Variants in UGT1A1 observed in about 807,000 individuals in gnomAD.
The protein encoded by UGT1A1 is UDP-glucuronosyltransferase 1A1.
UGT1A1 carries 33 observed loss-of-function variants against 40.6 expected under a neutral mutation model. That is an observed-to-expected ratio of 0.81 (90% CI 0.62 to 1.09). The LOEUF (loss-of-function observed/expected upper bound fraction) is 1.09, where lower values mean the gene tolerates loss of function less well. UGT1A1 is among the 50% of genes least tolerant of loss of function. The pLI is 0.00. For missense variants in UGT1A1, 694 were observed against 671.2 expected (o/e 1.03, Z -0.38); for synonymous variants, 249 against 265.0 (o/e 0.94, Z 0.59).
Position 233,769,575 on chromosome 2 carries a change from G to A in UGT1A1, c.1304+1136G>A. On this transcript the variant is annotated intron_variant, in intron 4 of 4. Coordinates refer to ENST00000305208, the MANE Select transcript of UGT1A1 (RefSeq NM_000463.3). The surrounding 1 kb of genome is among the most constrained non-coding windows in gnomAD (Gnocchi z 4.4). ...AGACAGATGTGAAGAGCTGGAGCAT[G>A]TTCAGATGAGAGGAGACGGAACACG... The A allele has an allele frequency of 6.2e-7, 1 of 1,612,906 alleles. No homozygotes were observed. Among genetic ancestry groups the A allele is most frequent in the Middle Eastern group, 1.7e-4 (1 of 6,060 alleles).
In UGT1A1 at chr2:233,767,901, T is replaced by C; in HGVS notation, c.1049T>C (p.Ile350Thr). The C allele has an allele frequency of 6.2e-6, 10 of 1,614,218 alleles. No individual in the cohort carries two copies. Among genetic ancestry groups the C allele is most frequent in the Non-Finnish European group, 2.5e-6 (3 of 1,180,042 alleles). Residue 350 changes from isoleucine (I) to threonine (T), a missense_variant, in exon 3 of 5, where the codon ATA becomes ACA. Transcript: ENST00000305208. ...TRPSNLANNT[I>T]LVKWLPQNDL... is the part of the protein sequence containing the mutation. ...CCATCGAATCTTGCGAACAACACGATACTTGTTAAGTGGCTACCCCAAAAC... is the reference window on the plus strand; with the variant it reads ...CCATCGAATCTTGCGAACAACACGACACTTGTTAAGTGGCTACCCCAAAAC...
Position 233,769,813 on chromosome 2 carries a change from C to A in UGT1A1, c.1304+1374C>A. 2.1e-6 allele frequency: 2 copies of A among 945,300 alleles called. No individual in the cohort carries two copies. The highest frequency in any genetic ancestry group is 2.9e-6 in the Non-Finnish European group (2 of 681,442). 58.6% of individuals were successfully genotyped at this position (945,300 alleles called of 1,614,324 possible). On this transcript the variant is annotated intron_variant, in intron 4 of 4. Coordinates refer to ENST00000305208, the MANE Select transcript of UGT1A1 (RefSeq NM_000463.3). This position sits in a 1 kb window ranked among gnomAD's most constrained non-coding sequence, Gnocchi z 4.4. ...GAGGCTGCTATGAGCCGTGATCATG[C>A]CACTGCACTCCAGCAACCTGGGCAA...
At chr2:233,767,550 T>C (rs2110298) in intron 2 of UGT1A1, among the ~76,000 whole-genome samples, 2,565 of 152,382 alleles carry the variant, frequency 0.017, 61 homozygotes, top group Admixed American at 0.057. Flanking sequence ...CTTATAGTTC[T>C]GCATCCACTT....
At chr2:233,766,592 C>T (rs1699195975) in intron 1 of UGT1A1, among the ~76,000 whole-genome samples, 1 of 152,146 alleles carries the variant, frequency 6.6e-6, no homozygotes, top group Admixed American at 6.5e-5. Flanking sequence ...GGAGCCCTCG[C>T]CAGGGACCAC....
intron 4 of UGT1A1, 143 bp downstream of exon 4, chr2:233,768,582 C>CTTT (rs139595073): frequency 4.4e-4 from 456 of 1,032,814 alleles, no homozygotes; most frequent in African/African-American, 3.3e-3. Flanking sequence ...TTTATTTCTT[C>CTTT]TTTTTTTTTT....
chr2:233,768,916 T>A (rs1454588101), intron 4 of UGT1A1, among the ~76,000 whole-genome samples: 1 of 152,138 alleles, frequency 6.6e-6, no homozygotes, highest in African/African-American at 2.4e-5. Context: ...TAGAGGTTAT[T>A]ATTCACTTTA....
Position 233,767,084 on chromosome 2 carries a change from C to G in UGT1A1, c.915C>G (p.Phe305Leu). 6.2e-7 allele frequency: 1 copy of G among 1,614,120 alleles called. No homozygotes were observed. Among genetic ancestry groups the G allele is most frequent in the Non-Finnish European group, 8.5e-7 (1 of 1,180,022 alleles). The change falls in exon 2 of 5, where the codon TTC becomes TTG. Residue 305 changes from phenylalanine (F) to leucine (L), a missense_variant. Transcript: ENST00000305208. ...NASGEHGIVV[F>L]SLGSMVSEIP... ...CTGGAGAACATGGAATTGTGGTTTT[C>G]TCTTTGGGATCAATGGTCTCAGAAA...
chr2:233,772,878 G>A lies in UGT1A1; in HGVS notation c.*319G>A. ...GAAACATGGCCTGTTTGGGAGTGCG[G>A]GATTCAAAGGTGGTCCCACGGCTGC... is the stretch of plus-strand genomic sequence containing the variant. On this transcript the variant is annotated 3_prime_UTR_variant, in exon 5 of 5. Coordinates refer to ENST00000305208, the MANE Select transcript of UGT1A1 (RefSeq NM_000463.3). 1 of 577,674 alleles carries A rather than the reference G, an allele frequency of 1.7e-6. No individual in the cohort carries two copies. 35.8% of individuals were successfully genotyped at this position (577,674 alleles called of 1,614,324 possible). A position where few individuals can be genotyped will look rare whatever the true frequency, so the allele number is the denominator to read the frequency against.
Position 233,769,781 on chromosome 2 carries a change from G to A in UGT1A1, c.1304+1342G>A. On this transcript the variant is annotated intron_variant, in intron 4 of 4. Coordinates refer to ENST00000305208, the MANE Select transcript of UGT1A1 (RefSeq NM_000463.3). The surrounding 1 kb of genome is among the most constrained non-coding windows in gnomAD (Gnocchi z 4.4). ...AAGGCGGGAGGATTGCTTGAGCCCAGAAGTTGGAGGCTGCTATGAGCCGTG... is the reference window on the plus strand; with the variant it reads ...AAGGCGGGAGGATTGCTTGAGCCCAAAAGTTGGAGGCTGCTATGAGCCGTG... 1 of 1,329,528 alleles carries A rather than the reference G, an allele frequency of 7.5e-7. No homozygotes were observed. The highest frequency in any genetic ancestry group is 9.9e-7 in the Non-Finnish European group (1 of 1,014,222). 82.4% of individuals were successfully genotyped at this position (1,329,528 alleles called of 1,614,324 possible). A position where few individuals can be genotyped will look rare whatever the true frequency, so the allele number is the denominator to read the frequency against.
In UGT1A1 at chr2:233,769,436, T is replaced by TGTGGGTGCACACGTGTGCATTCATATGC; in HGVS notation, c.1304+1001_1304+1028dup. The TGTGGGTGCACACGTGTGCATTCATATGC allele has an allele frequency of 6.4e-7, 1 of 1,552,200 alleles. No individual in the cohort carries two copies. The highest frequency in any genetic ancestry group is 2.3e-5 in the East Asian group (1 of 44,346). ...GTTTGTGCATGTGGCTGTGCTCATG[T>TGTGGGTGCACACGTGTGCATTCATATGC]GTGGGTGCACACGTGTGCATTCATA... is the stretch of plus-strand genomic sequence containing the variant. On this transcript the variant is annotated intron_variant, in intron 4 of 4. Coordinates refer to ENST00000305208, the MANE Select transcript of UGT1A1 (RefSeq NM_000463.3). The surrounding 1 kb of genome is among the most constrained non-coding windows in gnomAD (Gnocchi z 4.4).
At position 233,769,460 on chromosome 2, in the gene UGT1A1, TATGC is replaced by T. The variant is rs1219729658; in HGVS notation, c.1304+1022_1304+1025del. ...GTGTGGGTGCACACGTGTGCATTCA[TATGC>T]GTGTGTGTGTGTGTGCGTGTGTTTA... On this transcript the variant is annotated intron_variant, in intron 4 of 4. Coordinates refer to ENST00000305208, the MANE Select transcript of UGT1A1 (RefSeq NM_000463.3). The surrounding 1 kb of genome is among the most constrained non-coding windows in gnomAD (Gnocchi z 4.4). 1.1e-5 allele frequency: 17 copies of T among 1,601,706 alleles called. No homozygotes were observed. Among genetic ancestry groups the T allele is most frequent in the Non-Finnish European group, 1.3e-5 (15 of 1,170,686 alleles).
At position 233,760,638 on chromosome 2, in the gene UGT1A1, A is replaced by C. The variant is rs752920136; in HGVS notation, c.351A>C (p.Lys117Asn). 6.2e-7 allele frequency: 1 copy of C among 1,614,204 alleles called. No homozygotes were observed. The highest frequency in any genetic ancestry group is 1.1e-5 in the South Asian group (1 of 91,080). Reference protein sequence around the residue: ...QRVIKTYKKIKKDSAMLLSGC... With the variant: ...QRVIKTYKKINKDSAMLLSGC... ...TGATCAAAACATACAAGAAAATAAA[A>C]AAGGACTCTGCTATGCTTTTGTCTG... Residue 117 changes from lysine to asparagine, a missense_variant, in exon 1 of 5, where the codon AAA becomes AAC. Coordinates refer to ENST00000305208, the MANE Select transcript of UGT1A1 (RefSeq NM_000463.3).
At chr2:233,763,669 C>T (rs902437322) in intron 1 of UGT1A1, among the ~76,000 whole-genome samples, 1 of 152,168 alleles carries the variant, frequency 6.6e-6, no homozygotes, top group Non-Finnish European at 1.5e-5. Context: ...AACTCCTGAA[C>T]TTTAAGAATA....
intron 1 of UGT1A1, among the ~76,000 whole-genome samples, chr2:233,766,742 G>T (rs1249550835): frequency 6.6e-6 from 1 of 152,146 alleles, no homozygotes; most frequent in African/African-American, 2.4e-5. Context: ...GTATGTACAG[G>T]TGTGTGCATG....
In UGT1A1 at chr2:233,769,701, C is replaced by A. The variant is rs2126047704; in HGVS notation, c.1304+1262C>A. 1 of 1,525,142 alleles carries A rather than the reference C, an allele frequency of 6.6e-7. No homozygotes were observed. The highest frequency in any genetic ancestry group is 2.0e-5 in the Admixed American group (1 of 50,446). 94.5% of individuals were successfully genotyped at this position (1,525,142 alleles called of 1,614,324 possible). On this transcript the variant is annotated intron_variant, in intron 4 of 4. Transcript: ENST00000305208. This position sits in a 1 kb window ranked among gnomAD's most constrained non-coding sequence, Gnocchi z 4.4. ...TGTGTGGTGGCACTGGATAAAAGAT[C>A]AATGTTGGCTAGGCACCATGGCACA...
intron 4 of UGT1A1, 76 bp from the exon 5 acceptor site, chr2:233,772,186 A>G (rs1281313129): frequency 2.5e-6 from 4 of 1,593,838 alleles, no homozygotes; most frequent in Non-Finnish European, 2.6e-6. Flanking sequence ...AGTCTTCTTA[A>G]GCAGCCATGA....
Position 233,769,407 on chromosome 2 carries a change from G to C in UGT1A1, c.1304+968G>C. The C allele has an allele frequency of 7.8e-7, 1 of 1,286,632 alleles. No individual in the cohort carries two copies. The highest frequency in any genetic ancestry group is 1.1e-6 in the Non-Finnish European group (1 of 907,224). The allele number at this position is 1,286,632 out of a possible 1,614,324, so 79.7% of individuals were successfully genotyped here. ...ATAGATACTGTGTGCATATGTGCGT[G>C]TGCGTTTGTGCATGTGGCTGTGCTC... On this transcript the variant is annotated intron_variant, in intron 4 of 4. Transcript: ENST00000305208. The surrounding 1 kb of genome is among the most constrained non-coding windows in gnomAD (Gnocchi z 4.4).
chr2:233,769,846 A>T lies in UGT1A1; in HGVS notation c.1304+1407A>T. 5.9e-6 allele frequency: 3 copies of T among 506,296 alleles called. No individual in the cohort carries two copies. Among genetic ancestry groups the T allele is most frequent in the African/African-American group, 2.0e-5 (1 of 49,168 alleles). The allele number at this position is 506,296 out of a possible 1,614,324, so 31.4% of individuals were successfully genotyped here. ...CTCCAGCAACCTGGGCAACAGAGTG[A>T]GACCCTGTCTCAAAAAAAAAAAAAA... On this transcript the variant is annotated intron_variant, in intron 4 of 4. Coordinates refer to ENST00000305208, the MANE Select transcript of UGT1A1 (RefSeq NM_000463.3). The surrounding 1 kb of genome is among the most constrained non-coding windows in gnomAD (Gnocchi z 4.4).
In UGT1A1 at chr2:233,767,996, A is replaced by G. The variant is rs555884765; in HGVS notation, c.1084+60A>G. The G allele has an allele frequency of 8.8e-4, 1,425 of 1,614,192 alleles. 2 individuals are homozygous for G. The highest frequency in any genetic ancestry group is 7.6e-4 in the Non-Finnish European group (900 of 1,180,046). ...AGGGTCAAATTAAGAAAATGGCTTA[A>G]GCACAGCTATTCTAAAGGATTGTTG... On this transcript the variant is annotated intron_variant, in intron 3 of 4. Transcript: ENST00000305208.
Sources: allele counts gnomAD v4.1 joint callset (sites outside exome capture counted in the v4.1 genomes callset), GRCh38; gene constraint gnomAD v4.1.1; non-coding constraint Gnocchi (gnomAD v3.1); transcripts MANE v1.5; gene names NCBI Gene and HGNC (gene_info 2026-07-23, HGNC 2026-07-21).